DDHD1: variants seen among roughly 807,000 people sequenced by gnomAD.
DDHD1 encodes the protein DDHD domain containing 1.
In DDHD1, 49 loss-of-function variants were observed where a neutral mutation model predicts 96.4. That is an observed-to-expected ratio of 0.51 (90% CI 0.40 to 0.64). The LOEUF is 0.64. Ranked by LOEUF, DDHD1 falls within the 30% of genes least tolerant of loss-of-function variation. The pLI is 0.00. For synonymous variants in DDHD1, 442 were observed against 446.5 expected, an observed-to-expected ratio of 0.99 and a Z score of 0.13; for missense variants, 1,106 against 1,161.2, an observed-to-expected ratio of 0.95 and a Z score of 0.69.
At position 53,066,470 on chromosome 14, in the gene DDHD1, G is replaced by A. The variant is rs184813003; in HGVS notation, c.1504-3265C>T. On this transcript the variant is annotated intron_variant, in intron 6 of 12. Transcript: ENST00000673822. The stretch of plus-strand genomic sequence containing the variant: ...AATCTGCATCTATTTGACTACAAAG[G>A]CTCAGAGAAGAAGGGGGAAAAAGGC... Among the ~76,000 whole-genome samples, 14 of 152,218 alleles carry A rather than the reference G, an allele frequency of 9.2e-5. No homozygotes were observed. In the East Asian group the frequency reaches 2.7e-3, roughly 29 times the overall value.
intron 12 of DDHD1, among the ~76,000 whole-genome samples, chr14:53,049,598 G>A (rs1882350517): frequency 7.2e-6 from 1 of 138,756 alleles, no homozygotes; most frequent in Non-Finnish European, 1.5e-5. Flanking sequence ...ACCATCTCAA[G>A]AATGGGTGTT....
rs1883737110 is a variant in DDHD1 at position 53,063,111 on chromosome 14, A to G, written c.1598T>C (p.Ile533Thr). The G allele has an allele frequency of 6.2e-7, 1 of 1,614,122 alleles. No individual in the cohort carries two copies. The highest frequency in any genetic ancestry group is 1.1e-5 in the South Asian group (1 of 91,072). The change falls in exon 7 of 13, where the codon ATA (isoleucine) becomes ACA (threonine). Residue 533 changes from isoleucine to threonine, a missense_variant. Around this residue, in one of 2 missense-constraint regions of DDHD1, gnomAD observed 650 missense variants for 758.8 expected, o/e 0.86. Coordinates refer to ENST00000673822, the MANE Select transcript of DDHD1 (RefSeq NM_001160148.2). The part of the protein sequence containing the change: ...DFEEKGGKVS[I>T]VSHSLGCVIT... ...TACACATCCCAAGGAATGTGATACT[A>G]TTGAGACTTTACCCCCTTTTTCTTC... is the stretch of plus-strand genomic sequence containing the variant.
chr14:53,085,240 A>G (rs562433595), intron 4 of DDHD1, among the ~76,000 whole-genome samples: 2 of 152,238 alleles, frequency 1.3e-5, no homozygotes, highest in Admixed American at 6.5e-5. Context: ...AGGCTTAAAC[A>G]TCCCTGTCTG....
intron 9 of DDHD1, among the ~76,000 whole-genome samples, chr14:53,056,494 G>A (rs1415401763): frequency 1.3e-5 from 2 of 151,980 alleles, no homozygotes; most frequent in Admixed American, 6.6e-5. Flanking sequence ...ATGGGGTCTC[G>A]CCTTGGTGCC....
intron 1 of DDHD1, among the ~76,000 whole-genome samples, chr14:53,139,090 A>ACACACCCACAC (rs1491184035): frequency 7.0e-6 from 1 of 142,068 alleles, no homozygotes; most frequent in Non-Finnish European, 1.5e-5. Context: ...AAAAAAAAAA[A>ACACACCCACAC]CCACACCCAC....
In DDHD1 at chr14:53,058,599, G is replaced by A. The variant is rs1883271589; in HGVS notation, c.1870C>T (p.Pro624Ser). 1.9e-6 allele frequency: 3 copies of A among 1,612,756 alleles called. No homozygotes were observed. The Admixed American group carries it at 5.0e-5, about 27-fold the overall frequency. ...CGCAACGCCAAGAAAACTGCTAATG[G>A]GGATCCCATACAGAAGAAATTCTCA... is the stretch of plus-strand genomic sequence containing the variant. Reference protein sequence around the residue: ...KVENFFCMGSPLAVFLALRGI... With the variant: ...KVENFFCMGSSLAVFLALRGI... Residue 624 changes from proline to serine, a missense_variant, in exon 9 of 13, where the codon CCA becomes TCA. Physicochemically the swap from Pro to Ser is moderately conservative, Grantham distance 74. This residue lies in a region of DDHD1 where 650 missense variants were observed against 758.8 expected (regional missense o/e 0.86). Transcript: ENST00000673822.
chr14:53,150,502 T>A (rs1891270351), intron 1 of DDHD1, among the ~76,000 whole-genome samples: 2 of 152,258 alleles, frequency 1.3e-5, no homozygotes. Context: ...AATCACTTTG[T>A]AAACAGTGAA....
intron 4 of DDHD1, among the ~76,000 whole-genome samples, chr14:53,079,071 T>C (rs1015874560): frequency 6.6e-6 from 1 of 152,212 alleles, no homozygotes; most frequent in Non-Finnish European, 1.5e-5. Context: ...AGTCATGGTA[T>C]ATAACCATTT....
At chr14:53,088,571 A>G (rs1595153552) in intron 4 of DDHD1, among the ~76,000 whole-genome samples, 1 of 152,254 alleles carries the variant, frequency 6.6e-6, no homozygotes, top group South Asian at 2.1e-4. Flanking sequence ...GACAAAAACC[A>G]TGTAATTATC....
At chr14:53,092,687 T>TAAAA (rs1158032960) in intron 3 of DDHD1, 1 of 151,668 alleles carries the variant, frequency 6.6e-6, no homozygotes, top group Non-Finnish European at 1.5e-5. Flanking sequence ...TACAAAAAAA[T>TAAAA]AAAAAAAATT....
At chr14:53,059,850 C>A (rs1398059070) in intron 8 of DDHD1, among the ~76,000 whole-genome samples, 1 of 98,714 alleles carries the variant, frequency 1.0e-5, no homozygotes, top group African/African-American at 4.2e-5. Flanking sequence ...GGTGACAGAG[C>A]AAGACTCTGT....
intron 1 of DDHD1, among the ~76,000 whole-genome samples, chr14:53,119,950 C>T (rs945417463): frequency 1.3e-5 from 2 of 152,138 alleles, no homozygotes; most frequent in African/African-American, 4.8e-5. Flanking sequence ...GAAGTTCTGC[C>T]AGGGCAATCA....
chr14:53,110,113 TCCAAGATGCTGC>T (rs2139751207), intron 1 of DDHD1, among the ~76,000 whole-genome samples: 1 of 152,360 alleles, frequency 6.6e-6, no homozygotes, highest in East Asian at 1.9e-4. Flanking sequence ...CTGGGAGTCA[TCCAAGATGCTGC>T]CTCCTCAAGT....
chr14:53,066,412 A>C (rs1402397156), intron 6 of DDHD1, among the ~76,000 whole-genome samples: 1 of 152,024 alleles, frequency 6.6e-6, no homozygotes, highest in Admixed American at 6.6e-5. Context: ...TTGGCCTCCC[A>C]AAGTGCTGGG....
At position 53,152,411 on chromosome 14, in the gene DDHD1, C is replaced by T. The variant is rs147832037; in HGVS notation, c.688G>A (p.Asp230Asn). 1.4e-4 allele frequency: 222 copies of T among 1,613,778 alleles called. No individual in the cohort carries two copies. Among genetic ancestry groups the T allele is most frequent in the Non-Finnish European group, 1.8e-4 (213 of 1,179,970 alleles). Residue 230 changes from aspartate to asparagine, a missense_variant, in exon 1 of 13, where the codon GAT (aspartate) becomes AAT (asparagine). Transcript: ENST00000673822. The part of the protein sequence containing the change: ...GPASSSGEDD[D>N]EDRACGFCQS... ...CAGAAGCCGCAGGCGCGGTCCTCAT[C>T]GTCATCTTCTCCGGAACTGGAGGCT... is the stretch of plus-strand genomic sequence containing the variant.
chr14:53,147,562 C>G (rs895548393), intron 1 of DDHD1, among the ~76,000 whole-genome samples: 1 of 152,136 alleles, frequency 6.6e-6, no homozygotes, highest in Admixed American at 6.5e-5. Flanking sequence ...CAAGTCCTGC[C>G]ATCCATACAT....
rs543078942 is a variant in DDHD1 at position 53,040,068 on chromosome 14, G to A, written c.*6700C>T. ...TTAAAAAAACAAACACCTAAAACTC[G>A]ACTTTTAAAGTCACTTTGGTAGCAA... On this transcript the variant is annotated 3_prime_UTR_variant, in exon 13 of 13. Transcript: ENST00000673822. 2.6e-5 allele frequency: 4 copies of A among 152,190 alleles called. No individual in the cohort carries two copies. Among genetic ancestry groups the A allele is most frequent in the African/African-American group, 4.8e-5 (2 of 41,512 alleles). 9.4% of individuals were successfully genotyped at this position (152,190 alleles called of 1,614,324 possible).
intron 1 of DDHD1, among the ~76,000 whole-genome samples, chr14:53,133,241 T>G (rs1460254475): frequency 6.6e-6 from 1 of 152,204 alleles, no homozygotes; most frequent in Non-Finnish European, 1.5e-5. Context: ...ACTGGCAAAT[T>G]GACTTTACTC....
At chr14:53,139,076 A>G (rs903042111) in intron 1 of DDHD1, among the ~76,000 whole-genome samples, 15 of 35,460 alleles carry the variant, frequency 4.2e-4, no homozygotes, top group Admixed American at 2.3e-3. Context: ...AATAGGAGAG[A>G]AAAAAAAAAA....
Sources: allele counts gnomAD v4.1 joint callset (sites outside exome capture counted in the v4.1 genomes callset), GRCh38; gene constraint gnomAD v4.1.1; regional missense constraint gnomAD v4.1.1; transcripts MANE v1.5; gene names NCBI Gene and HGNC (gene_info 2026-07-23, HGNC 2026-07-21).